Variants in GALNT1 observed in about 807,000 individuals in gnomAD.
The protein encoded by GALNT1 is GalNAc transferase 1.
GALNT1 carries 17 observed loss-of-function variants against 65.7 expected under a neutral mutation model. The observed-to-expected ratio is 0.26, with a 90% CI of 0.18 to 0.39. The LOEUF is 0.39. Among genes scored for constraint, GALNT1 ranks in the 10% least tolerant of loss-of-function variants. The pLI is 1.00. For synonymous variants in GALNT1, 210 were observed against 219.7 expected, an observed-to-expected ratio of 0.96 and a Z score of 0.39; for missense variants, 460 against 672.8, an observed-to-expected ratio of 0.68 and a Z score of 3.50.
intron 1 of GALNT1, chr18:35,596,123 A>G (rs1323186188): frequency 6.6e-6 from 1 of 152,144 alleles, no homozygotes; most frequent in African/African-American, 2.4e-5. Context: ...ATTATGTTGG[A>G]GAAGAACAAA....
At chr18:35,607,844 G>A (rs1027167015) in intron 1 of GALNT1, among the ~76,000 whole-genome samples, 1 of 152,038 alleles carries the variant, frequency 6.6e-6, no homozygotes, top group African/African-American at 2.4e-5. Flanking sequence ...TCACTCCAAG[G>A]GTAACTTGGA....
chr18:35,671,350 A>G (rs2047632971), intron 3 of GALNT1, among the ~76,000 whole-genome samples: 1 of 152,152 alleles, frequency 6.6e-6, no homozygotes, highest in South Asian at 2.1e-4. Context: ...CCGAGTAACA[A>G]GGACTACAGG....
At chr18:35,644,349 A>T (rs1006990778) in intron 1 of GALNT1, among the ~76,000 whole-genome samples, 1 of 152,150 alleles carries the variant, frequency 6.6e-6, no homozygotes, top group African/African-American at 2.4e-5. Flanking sequence ...CTAAATTTCG[A>T]TCAGTAACCA....
At chr18:35,584,235 C>T (rs2046355504) in intron 1 of GALNT1, among the ~76,000 whole-genome samples, 1 of 152,108 alleles carries the variant, frequency 6.6e-6, no homozygotes, top group Non-Finnish European at 1.5e-5. Context: ...GCTGTTTCTG[C>T]TTTTACTTAT....
chr18:35,606,407 G>A (rs1311445536), intron 1 of GALNT1, among the ~76,000 whole-genome samples: 4 of 152,206 alleles, frequency 2.6e-5, no homozygotes, highest in African/African-American at 9.6e-5. Flanking sequence ...CTTTCAACTT[G>A]ATGTATGACA....
chr18:35,684,866 C>CA (rs2047843674), intron 5 of GALNT1, among the ~76,000 whole-genome samples: 1 of 152,116 alleles, frequency 6.6e-6, no homozygotes, highest in Non-Finnish European at 1.5e-5. Flanking sequence ...GGATAGGAGA[C>CA]AAAAACCTAG....
intron 7 of GALNT1, among the ~76,000 whole-genome samples, chr18:35,690,719 C>T (rs78501035): frequency 5.9e-5 from 9 of 152,096 alleles, no homozygotes; most frequent in Non-Finnish European, 1.0e-4. Context: ...ACCATACAGC[C>T]GGAGCCCATC....
At chr18:35,671,171 G>A (rs2047629305) in intron 3 of GALNT1, among the ~76,000 whole-genome samples, 1 of 152,040 alleles carries the variant, frequency 6.6e-6, no homozygotes, top group Admixed American at 6.6e-5. Flanking sequence ...TCGTGCTCAT[G>A]TTCATAGGCA....
intron 1 of GALNT1, among the ~76,000 whole-genome samples, chr18:35,629,273 A>C (rs1170282948): frequency 6.6e-6 from 1 of 152,226 alleles, no homozygotes; most frequent in Non-Finnish European, 1.5e-5. Flanking sequence ...TGTCAGATTC[A>C]CCAAAGTCAA....
At chr18:35,669,688 A>G (rs1243318885) in intron 3 of GALNT1, among the ~76,000 whole-genome samples, 1 of 152,186 alleles carries the variant, frequency 6.6e-6, no homozygotes, top group Non-Finnish European at 1.5e-5. Context: ...TAATCTGACA[A>G]AAGATTTCTA....
intron 1 of GALNT1, chr18:35,597,065 A>G (rs916032812): frequency 2.0e-5 from 3 of 152,152 alleles, no homozygotes; most frequent in African/African-American, 7.2e-5. Flanking sequence ...AACTAAGGCA[A>G]CTCTTGGGGG....
chr18:35,686,038 A>G lies in GALNT1; in HGVS notation c.690-978A>G, dbSNP rs113481558. Among the ~76,000 whole-genome samples the G allele has an allele frequency of 6.4e-3, 973 of 152,346 alleles. 19 individuals carry two copies. The highest frequency in any genetic ancestry group is 0.022 in the African/African-American group (923 of 41,574). Reference sequence around the variant, plus strand: ...AGCCAAGAGTGCACCATTGCCCTCTAGCCTGGGCAACAGGAGTGAGACTCC... The same window carrying G: ...AGCCAAGAGTGCACCATTGCCCTCTGGCCTGGGCAACAGGAGTGAGACTCC... On this transcript the variant is annotated intron_variant, in intron 5 of 11. Transcript: ENST00000269195.
chr18:35,658,000 C>T (rs573763885), intron 2 of GALNT1, among the ~76,000 whole-genome samples: 3 of 152,190 alleles, frequency 2.0e-5, no homozygotes, highest in South Asian at 2.1e-4. Context: ...GTATCAGAAA[C>T]GTGAAAAGGA....
intron 1 of GALNT1, among the ~76,000 whole-genome samples, chr18:35,629,574 C>T (rs1412150741): frequency 6.6e-6 from 1 of 152,146 alleles, no homozygotes; most frequent in Non-Finnish European, 1.5e-5. Flanking sequence ...AAACACTAAA[C>T]ATGGAAAGGA....
rs369399412 is a variant in GALNT1 at position 35,625,001 on chromosome 18, C to G, written c.-103-29559C>G. 3.9e-5 allele frequency among the ~76,000 whole-genome samples: 6 copies of G among 152,176 alleles called. No individual in the cohort carries two copies. The South Asian group carries it at 8.3e-4, about 21-fold the overall frequency. The stretch of plus-strand genomic sequence containing the variant: ...GATAATTAATAAATTAATTAAGATA[C>G]ATTATGATGTAAATTACTACTTGGT... On this transcript the variant is annotated intron_variant, in intron 1 of 11. Coordinates refer to ENST00000269195, the MANE Select transcript of GALNT1 (RefSeq NM_020474.4).
At chr18:35,651,332 A>G (rs1395503126) in intron 1 of GALNT1, among the ~76,000 whole-genome samples, 1 of 152,206 alleles carries the variant, frequency 6.6e-6, no homozygotes, top group Non-Finnish European at 1.5e-5. Context: ...CTATTTTTAT[A>G]AAGAAACTGC....
chr18:35,701,178 C>A (rs973989429), intron 9 of GALNT1, among the ~76,000 whole-genome samples: 1 of 151,972 alleles, frequency 6.6e-6, no homozygotes, highest in African/African-American at 2.4e-5. Context: ...CTCAAGTGAT[C>A]CTCCCACCTC....
At chr18:35,585,052 A>G (rs1228468726) in intron 1 of GALNT1, among the ~76,000 whole-genome samples, 1 of 152,176 alleles carries the variant, frequency 6.6e-6, no homozygotes, top group African/African-American at 2.4e-5. Flanking sequence ...ATTGCTACAC[A>G]TTAGCAGTAA....
intron 1 of GALNT1, among the ~76,000 whole-genome samples, chr18:35,619,643 G>A (rs2046826875): frequency 6.6e-6 from 1 of 152,196 alleles, no homozygotes; most frequent in Non-Finnish European, 1.5e-5. Flanking sequence ...GGATCATACA[G>A]TCTTGTTTGT....
Sources: allele counts gnomAD v4.1 joint callset (sites outside exome capture counted in the v4.1 genomes callset), GRCh38; gene constraint gnomAD v4.1.1; transcripts MANE v1.5; gene names NCBI Gene and HGNC (gene_info 2026-07-23, HGNC 2026-07-21).